RMND1: variants seen among roughly 807,000 people sequenced by gnomAD.
RMND1 encodes required for meiotic nuclear division protein 1 homolog.
RMND1 carries 41 observed loss-of-function variants against 54.0 expected under a neutral mutation model. The observed-to-expected ratio is 0.76, with a 90% confidence interval of 0.59 to 0.98. RMND1 has a LOEUF of 0.98. Among genes scored for constraint, RMND1 ranks in the 50% least tolerant of loss-of-function variants. RMND1 has a pLI of 0.00. For missense variants in RMND1, 457 were observed against 532.0 expected, an observed-to-expected ratio of 0.86 and a Z score of 1.39; for synonymous variants, 183 against 181.7, an observed-to-expected ratio of 1.01 and a Z score of -0.06.
chr6:151,406,363 T>A (rs1055547960), intron 10 of RMND1, among the ~76,000 whole-genome samples: 1 of 151,160 alleles, frequency 6.6e-6, no homozygotes, highest in Non-Finnish European at 1.5e-5. Flanking sequence ...TTTTTTTTTG[T>A]TGTTGTTGTT....
intron 3 of RMND1, among the ~76,000 whole-genome samples, chr6:151,434,203 A>G (rs1251644928): frequency 1.3e-5 from 2 of 152,194 alleles, no homozygotes; most frequent in African/African-American, 4.8e-5. Context: ...GTTGCTTTAT[A>G]TATTAGTATA....
chr6:151,430,084 A>G, intron 5 of RMND1, 54 bp downstream of exon 5: 2 of 1,160,816 alleles, frequency 1.7e-6, no homozygotes, highest in South Asian at 1.3e-5. Flanking sequence ...CTAATTAACA[A>G]TTCATTCTCA....
chr6:151,448,258 A>T (rs114582921), intron 1 of RMND1, among the ~76,000 whole-genome samples: 2,392 of 151,832 alleles, frequency 0.016, 59 homozygotes, highest in African/African-American at 0.055. Flanking sequence ...TCTAAGCACC[A>T]CCTCCTATCT....
chr6:151,441,121 A>G (rs745488506), intron 2 of RMND1, among the ~76,000 whole-genome samples: 1 of 152,236 alleles, frequency 6.6e-6, no homozygotes, highest in Non-Finnish European at 1.5e-5. Context: ...CAAAGAAGAC[A>G]TGTTCCAGCA....
intron 10 of RMND1, among the ~76,000 whole-genome samples, chr6:151,415,461 A>G (rs778333440): frequency 4.6e-5 from 7 of 152,166 alleles, no homozygotes; most frequent in African/African-American, 7.2e-5. Context: ...AAAATGAAAT[A>G]CCAAAAAATT....
intron 1 of RMND1, among the ~76,000 whole-genome samples, chr6:151,451,208 A>AAC (rs970478014): frequency 6.6e-6 from 1 of 151,694 alleles, no homozygotes; most frequent in Non-Finnish European, 1.5e-5. Context: ...TAAAAAAAAA[A>AAC]AAAAAAAAAA....
At chr6:151,424,317 G>C (rs1780233521) in intron 6 of RMND1, among the ~76,000 whole-genome samples, 1 of 151,974 alleles carries the variant, frequency 6.6e-6, no homozygotes, top group African/African-American at 2.4e-5. Context: ...AATAAAATTA[G>C]CCGGGTGTGG....
chr6:151,405,940 C>T lies in RMND1; in HGVS notation c.1201-104G>A, dbSNP rs564947698. ...GTGAAAAATCCTGCTCCTCAGTCCT[C>T]TCCCCAAAGGCAGCCACCAACATTA... On this transcript the variant is annotated intron_variant, in intron 10 of 11. Coordinates refer to ENST00000444024, the MANE Select transcript of RMND1 (RefSeq NM_017909.4). The T allele has an allele frequency of 1.2e-5, 7 of 564,354 alleles. No homozygotes were observed. The East Asian group carries it at 1.5e-4, about 12-fold the overall frequency. 35.0% of individuals were successfully genotyped at this position (564,354 alleles called of 1,614,324 possible).
intron 4 of RMND1, among the ~76,000 whole-genome samples, chr6:151,431,430 C>T (rs1287976812): frequency 6.6e-6 from 1 of 152,100 alleles, no homozygotes; most frequent in East Asian, 1.9e-4. Context: ...GGTGGGTGAG[C>T]AGGCAGGCAG....
At chr6:151,436,228 A>C (rs2042267370) in intron 3 of RMND1, 5 of 490,136 alleles carry the variant, frequency 1.0e-5, no homozygotes, top group Non-Finnish European at 1.8e-5. Context: ...TGATCCTATA[A>C]ATAATCTTAA....
At chr6:151,415,720 G>A (rs1285047889) in intron 10 of RMND1, among the ~76,000 whole-genome samples, 2 of 150,134 alleles carry the variant, frequency 1.3e-5, no homozygotes, top group East Asian at 4.0e-4. Context: ...GTGAACCCGG[G>A]AGGCAGAGCT....
At chr6:151,407,788 T>A (rs1270967945) in intron 10 of RMND1, among the ~76,000 whole-genome samples, 1 of 151,976 alleles carries the variant, frequency 6.6e-6, no homozygotes, top group Non-Finnish European at 1.5e-5. Flanking sequence ...GCCCCTGTTG[T>A]CCCAGCCAGT....
At chr6:151,415,987 T>C (rs564901906) in intron 10 of RMND1, among the ~76,000 whole-genome samples, 19 of 147,140 alleles carry the variant, frequency 1.3e-4, no homozygotes, top group African/African-American at 4.6e-4. Flanking sequence ...CTTTTTGTTT[T>C]GTTTTTTTTG....
At chr6:151,421,850 G>A (rs1032079116) in intron 8 of RMND1, among the ~76,000 whole-genome samples, 72 of 151,600 alleles carry the variant, frequency 4.7e-4, no homozygotes, top group Non-Finnish European at 9.0e-4. Context: ...ATGGTGGCTC[G>A]TGGCCTGTAA....
intron 10 of RMND1, among the ~76,000 whole-genome samples, chr6:151,410,878 T>C (rs1018544575): frequency 3.3e-5 from 5 of 152,202 alleles, no homozygotes; most frequent in African/African-American, 9.6e-5. Context: ...CTTTGTAGAT[T>C]CTTCCAGGTC....
At chr6:151,417,451 G>T in intron 9 of RMND1, 52 bp from the exon 10 acceptor site, 6 of 1,394,298 alleles carry the variant, frequency 4.3e-6, no homozygotes, top group East Asian at 5.1e-5. Flanking sequence ...AAAAATCATT[G>T]TTTCTATTGT....
chr6:151,442,265 A>G (rs73783019), intron 2 of RMND1, among the ~76,000 whole-genome samples: 12,729 of 149,464 alleles, frequency 0.085, 732 homozygotes, highest in African/African-American at 0.16. Flanking sequence ...TAGTACATAT[A>G]CACATATATG....
At chr6:151,447,655 A>G (rs1780994449) in intron 1 of RMND1, among the ~76,000 whole-genome samples, 1 of 152,208 alleles carries the variant, frequency 6.6e-6, no homozygotes, top group African/African-American at 2.4e-5. Context: ...AAAAGCTCGC[A>G]TTCTGTGCTT....
chr6:151,423,894 C>T (rs1201634549), intron 6 of RMND1, among the ~76,000 whole-genome samples: 2 of 150,374 alleles, frequency 1.3e-5, no homozygotes. Flanking sequence ...GCCGCCCAGG[C>T]TAGAGTGCAG....
Sources: allele counts gnomAD v4.1 joint callset (sites outside exome capture counted in the v4.1 genomes callset), GRCh38; gene constraint gnomAD v4.1.1; transcripts MANE v1.5; gene names NCBI Gene and HGNC (gene_info 2026-07-23, HGNC 2026-07-21).